ZFHX3: variants seen among roughly 807,000 people sequenced by gnomAD.
ZFHX3 encodes the protein zinc finger homeobox protein 3.
ZFHX3 carries 42 observed loss-of-function variants against 279.1 expected under a neutral mutation model. That is an observed-to-expected ratio of 0.15 (90% CI 0.12 to 0.19). The LOEUF is 0.19. Ranked by LOEUF, ZFHX3 falls within the 10% of genes least tolerant of loss-of-function variation. ZFHX3 has a pLI of 1.00. For missense variants in ZFHX3, 4,981 were observed against 4,754.0 expected (o/e 1.05, Z -1.40); for synonymous variants, 2,293 against 1,957.8 (o/e 1.17, Z -4.52).
intron 1 of ZFHX3, among the ~76,000 whole-genome samples, chr16:73,033,965 G>C (rs1036848452): frequency 6.6e-6 from 1 of 152,184 alleles, no homozygotes; most frequent in Non-Finnish European, 1.5e-5. Flanking sequence ...TTTCACAGTG[G>C]CGCTTTCTGC....
Position 72,798,785 on chromosome 16 carries a change from G to A in ZFHX3, c.3968-71C>T, listed in dbSNP as rs1051795126. On this transcript the variant is annotated intron_variant, in intron 8 of 9. Transcript: ENST00000268489. ...TTGTTTCAAGGATGGCACCCAGAGC[G>A]GTCTACCTAGTCAGGCCTCATGAAC... The A allele has an allele frequency of 4.9e-5, 73 of 1,492,740 alleles. No individual in the cohort carries two copies. In the East Asian group the frequency reaches 1.0e-3, roughly 21 times the overall value. 92.5% of individuals were successfully genotyped at this position (1,492,740 alleles called of 1,614,324 possible). A position where few individuals can be genotyped will look rare whatever the true frequency, so the allele number is the denominator to read the frequency against.
chr16:72,794,511 G>T lies in ZFHX3; in HGVS notation c.8171C>A (p.Thr2724Asn). 6.2e-7 allele frequency: 1 copy of T among 1,614,254 alleles called. No individual in the cohort carries two copies. Among genetic ancestry groups the T allele is most frequent in the Non-Finnish European group, 8.5e-7 (1 of 1,180,058 alleles). ...GGACCGGATATGAGCCTCAAGAGCA[G>T]TCTTGGCTTTGAAGAGCGCTCTGCA... is the stretch of plus-strand genomic sequence containing the variant. ...PFCRALFKAK[T>N]ALEAHIRSRH... is the part of the protein sequence containing the mutation. Residue 2724 changes from threonine to asparagine, a missense_variant, in exon 9 of 10, where the codon ACT becomes AAT. Coordinates refer to ENST00000268489, the MANE Select transcript of ZFHX3 (RefSeq NM_006885.4). The surrounding 1 kb of genome is among the most constrained non-coding windows in gnomAD (Gnocchi z 4.2).
intron 5 of ZFHX3, among the ~76,000 whole-genome samples, chr16:72,812,605 A>G (rs1375739922): frequency 1.3e-5 from 2 of 152,236 alleles, no homozygotes; most frequent in African/African-American, 4.8e-5. Flanking sequence ...GTTTGGGTTC[A>G]GCAGTTTGCT....
intron 3 of ZFHX3, among the ~76,000 whole-genome samples, chr16:73,432,337 G>A (rs2017924394): frequency 6.6e-6 from 1 of 152,140 alleles, no homozygotes; most frequent in East Asian, 1.9e-4. Flanking sequence ...TAGGTGGCTG[G>A]AGTTAGCATA....
chr16:73,810,123 G>A (rs1960387509), intron 1 of ZFHX3, among the ~76,000 whole-genome samples: 1 of 152,204 alleles, frequency 6.6e-6, no homozygotes. Context: ...TTATTTTCCA[G>A]GTTGCCCTAA....
rs186758402 is a variant in ZFHX3, at chr16:72,855,528, G to C, written c.3449-25669C>G. 6.7e-3 allele frequency among the ~76,000 whole-genome samples: 1,024 copies of C among 152,280 alleles called. 9 individuals are homozygous for C. Among genetic ancestry groups the C allele is most frequent in the Non-Finnish European group, 7.6e-3 (518 of 68,020 alleles). On this transcript the variant is annotated intron_variant, in intron 4 of 9. Coordinates refer to ENST00000268489, the MANE Select transcript of ZFHX3 (RefSeq NM_006885.4). The stretch of plus-strand genomic sequence containing the variant: ...TTCTAATTCATTCTGCAGAGACAGA[G>C]GAACGAAAACGGATTCATTCTCAGT...
chr16:73,839,392 G>C (rs1961239904), intron 1 of ZFHX3, among the ~76,000 whole-genome samples: 1 of 129,762 alleles, frequency 7.7e-6, no homozygotes, highest in South Asian at 2.8e-4. Flanking sequence ...GCAATGAATT[G>C]AGATTATGCT....
chr16:73,500,207 C>A (rs557415844), intron 2 of ZFHX3: 1 of 152,374 alleles, frequency 6.6e-6, no homozygotes, highest in South Asian at 2.1e-4. Context: ...CCCCTGAAGA[C>A]CTTCCAGTGG....
At chr16:73,220,555 T>C (rs373758901) in intron 5 of ZFHX3, among the ~76,000 whole-genome samples, 11 of 152,258 alleles carry the variant, frequency 7.2e-5, no homozygotes, top group South Asian at 2.1e-4. Flanking sequence ...AAAACTCCAA[T>C]AGACCAGGCA....
chr16:73,644,029 C>T (rs2052596222), intron 2 of ZFHX3, among the ~76,000 whole-genome samples: 1 of 152,086 alleles, frequency 6.6e-6, no homozygotes, highest in South Asian at 2.1e-4. Flanking sequence ...TGTTTTTAGA[C>T]TTAAGGTTCA....
chr16:72,875,961 T>C (rs111485441), intron 4 of ZFHX3, among the ~76,000 whole-genome samples: 3 of 152,266 alleles, frequency 2.0e-5, no homozygotes, highest in South Asian at 2.1e-4. Flanking sequence ...TTTTTGACAA[T>C]TGAATTAATG....
intron 2 of ZFHX3, among the ~76,000 whole-genome samples, chr16:73,530,954 T>C (rs1446667089): frequency 1.3e-5 from 2 of 152,180 alleles, no homozygotes; most frequent in Non-Finnish European, 2.9e-5. Context: ...TGGAGAAACA[T>C]GCCAACATGC....
At chr16:73,026,629 C>G (rs544381205) in intron 1 of ZFHX3, among the ~76,000 whole-genome samples, 121 of 144,848 alleles carry the variant, frequency 8.4e-4, no homozygotes, top group Admixed American at 1.3e-3. Context: ...CGAGATTGTG[C>G]CATGCCATTG....
Position 72,958,469 on chromosome 16 carries a change from A to T in ZFHX3, c.1677T>A (p.Val559=), listed in dbSNP as rs1444621380. ...STSSNSASSF[V]VFDGANRRNR... ...TCCTCCTGTTCGCACCATCAAAGAC[A>T]ACAAAGGAAGAAGCAGAATTAGAAC... The change falls in exon 2 of 10, where the codon GTT becomes GTA. Residue 559 remains valine, a synonymous_variant. Coordinates refer to ENST00000268489, the MANE Select transcript of ZFHX3 (RefSeq NM_006885.4). 6.2e-7 allele frequency: 1 copy of T among 1,614,164 alleles called. No homozygotes were observed. Among genetic ancestry groups the T allele is most frequent in the Non-Finnish European group, 8.5e-7 (1 of 1,180,024 alleles).
At chr16:72,904,621 T>C (rs569438470) in intron 3 of ZFHX3, among the ~76,000 whole-genome samples, 7 of 152,200 alleles carry the variant, frequency 4.6e-5, no homozygotes, top group Admixed American at 2.0e-4. Flanking sequence ...AACTATGATC[T>C]TTCTGGTCTC....
intron 1 of ZFHX3, among the ~76,000 whole-genome samples, chr16:73,034,702 AGTGGGGCT>A (rs1248035657): frequency 6.6e-6 from 1 of 152,206 alleles, no homozygotes; most frequent in Non-Finnish European, 1.5e-5. Flanking sequence ...AATGAATGAG[AGTGGGGCT>A]GTCCCCTGAG....
intron 8 of ZFHX3, among the ~76,000 whole-genome samples, chr16:72,799,773 AG>A (rs1479878775): frequency 2.0e-5 from 3 of 152,220 alleles, no homozygotes; most frequent in Non-Finnish European, 4.4e-5. Context: ...GTATAGTTTA[AG>A]AAGATGTGTG....
intron 1 of ZFHX3, among the ~76,000 whole-genome samples, chr16:72,996,471 C>A (rs1406203446): frequency 6.6e-6 from 1 of 152,178 alleles, no homozygotes; most frequent in Non-Finnish European, 1.5e-5. Flanking sequence ...AGAAGCTGGT[C>A]CTCAATAAAG....
intron 1 of ZFHX3, among the ~76,000 whole-genome samples, chr16:73,730,380 A>G (rs8055388): frequency 0.79 from 95,056 of 119,752 alleles, 38,154 homozygotes; most frequent in Non-Finnish European, 0.86. Flanking sequence ...AAAAAAGAAA[A>G]AGAGAGAGAA....
Sources: allele counts gnomAD v4.1 joint callset (sites outside exome capture counted in the v4.1 genomes callset), GRCh38; gene constraint gnomAD v4.1.1; non-coding constraint Gnocchi (gnomAD v3.1); transcripts MANE v1.5; gene names NCBI Gene and HGNC (gene_info 2026-07-23, HGNC 2026-07-21).